Variants in ADAMTS5 observed in about 807,000 individuals in gnomAD.
The protein encoded by ADAMTS5 is ADAM metallopeptidase with thrombospondin type 1 motif 5.
In ADAMTS5, 54 loss-of-function variants were observed where a neutral mutation model predicts 81.4. The observed-to-expected ratio is 0.66, with a 90% CI of 0.53 to 0.83. ADAMTS5 has a LOEUF of 0.83. Among genes scored for constraint, ADAMTS5 ranks in the 40% least tolerant of loss-of-function variants. The pLI, the probability that ADAMTS5 is intolerant of heterozygous loss-of-function variation, is 0.00. For synonymous variants in ADAMTS5, 532 were observed against 508.8 expected (o/e 1.05, Z -0.61); for missense variants, 1,194 against 1,229.9 (o/e 0.97, Z 0.44).
intron 7 of ADAMTS5, 122 bp downstream of exon 7, chr21:26,929,764 G>C: frequency 3.5e-6 from 3 of 863,438 alleles, no homozygotes; most frequent in Non-Finnish European, 4.9e-6. Context: ...TGTGTTTCTA[G>C]AGCCACGTTA....
chr21:26,966,030 C>G lies in ADAMTS5; in HGVS notation c.362G>C (p.Ser121Thr). 6.2e-7 allele frequency: 1 copy of G among 1,613,076 alleles called. No homozygotes were observed. Among genetic ancestry groups the G allele is most frequent in the Non-Finnish European group, 8.5e-7 (1 of 1,179,902 alleles). Residue 121 changes from serine to threonine, a missense_variant, in exon 1 of 8, where the codon AGT becomes ACT. Around this residue, in one of 2 missense-constraint regions of ADAMTS5, gnomAD observed 498 missense variants for 412.3 expected, o/e 1.21. Transcript: ENST00000284987. ...AGFVPAGGGT[S>T]APWRHRSHCF... Reference sequence around the variant, plus strand: ...GTGGCTCCGGTGGCGCCAGGGCGCACTCGTCCCGCCTCCTGCGGGCACGAA... The same window carrying G: ...GTGGCTCCGGTGGCGCCAGGGCGCAGTCGTCCCGCCTCCTGCGGGCACGAA...
At chr21:26,960,457 A>G (rs1987508105) in intron 1 of ADAMTS5, among the ~76,000 whole-genome samples, 1 of 152,244 alleles carries the variant, frequency 6.6e-6, no homozygotes, top group Non-Finnish European at 1.5e-5. Context: ...ATGAGGTTAA[A>G]TGAGGTCATG....
intron 2 of ADAMTS5, among the ~76,000 whole-genome samples, chr21:26,948,651 C>T (rs1987261509): frequency 6.6e-6 from 1 of 152,166 alleles, no homozygotes; most frequent in South Asian, 2.1e-4. Context: ...ACTCTTATAA[C>T]TCCCATTTGA....
At chr21:26,932,288 T>TA (rs754494234) in intron 5 of ADAMTS5, 109 bp from the exon 6 acceptor site, 9 of 1,164,858 alleles carry the variant, frequency 7.7e-6, no homozygotes, top group East Asian at 2.6e-5. Flanking sequence ...GTGTTTTTTT[T>TA]ATCCCACAGT....
rs553135697 is a variant in ADAMTS5, at chr21:26,960,725, G to A, written c.1104+4563C>T. Reference sequence around the variant, plus strand: ...CACCCATTGTACAATATTCTGTTACGGTGGCCTGAGCAGACTAGCAGACAT... The same window carrying A: ...CACCCATTGTACAATATTCTGTTACAGTGGCCTGAGCAGACTAGCAGACAT... On this transcript the variant is annotated intron_variant, in intron 1 of 7. Transcript: ENST00000284987. Among the ~76,000 whole-genome samples the A allele has an allele frequency of 3.0e-4, 46 of 152,276 alleles. No individual in the cohort carries two copies. The East Asian group carries it at 7.9e-3, about 26-fold the overall frequency.
At chr21:26,946,970 A>G (rs1258293481) in intron 2 of ADAMTS5, among the ~76,000 whole-genome samples, 1 of 152,198 alleles carries the variant, frequency 6.6e-6, no homozygotes. Flanking sequence ...AAGCTCCCTC[A>G]CTAAAATAGG....
intron 4 of ADAMTS5, among the ~76,000 whole-genome samples, chr21:26,934,036 A>G (rs1227549285): frequency 6.6e-6 from 1 of 152,192 alleles, no homozygotes; most frequent in African/African-American, 2.4e-5. Flanking sequence ...TGTCAAGGGG[A>G]AAAAAGTGAC....
At chr21:26,961,893 C>A (rs1397573245) in intron 1 of ADAMTS5, among the ~76,000 whole-genome samples, 1 of 152,144 alleles carries the variant, frequency 6.6e-6, no homozygotes, top group Non-Finnish European at 1.5e-5. Flanking sequence ...TCTACTGCCC[C>A]CTGTTGTCAG....
In ADAMTS5 at chr21:26,918,828, C is replaced by G. The variant is rs146296592; in HGVS notation, c.*5225G>C. 6.7e-6 allele frequency: 1 copy of G among 149,880 alleles called. No homozygotes were observed. The highest frequency in any genetic ancestry group is 2.4e-5 in the African/African-American group (1 of 41,026). The allele number at this position is 149,880 out of a possible 1,614,324, so 9.3% of individuals were successfully genotyped here. ...TTGAAAAAAAATCAGGCCAAATATA[C>G]ACGACAGTTTGAATGGAATGCTGAG... On this transcript the variant is annotated 3_prime_UTR_variant, in exon 8 of 8. Transcript: ENST00000284987.
chr21:26,946,382 C>T lies in ADAMTS5; in HGVS notation c.1238-2835G>A, dbSNP rs192975220. ...TTTAAAGGAGTGCTCACGGTAAAGACGGCACGCTATGATACCAAAAGCTAA... is the reference window on the plus strand; with the variant it reads ...TTTAAAGGAGTGCTCACGGTAAAGATGGCACGCTATGATACCAAAAGCTAA... On this transcript the variant is annotated intron_variant, in intron 2 of 7. Coordinates refer to ENST00000284987, the MANE Select transcript of ADAMTS5 (RefSeq NM_007038.5). Among the ~76,000 whole-genome samples, 110 of 152,204 alleles carry T rather than the reference C, an allele frequency of 7.2e-4. 1 individual carries two copies. The South Asian group carries it at 0.01, about 14-fold the overall frequency.
chr21:26,953,778 A>T (rs919641796), intron 2 of ADAMTS5, among the ~76,000 whole-genome samples: 4 of 152,140 alleles, frequency 2.6e-5, no homozygotes, highest in Admixed American at 6.5e-5. Context: ...AAAGCAAAAC[A>T]TAAGTACATG....
intron 1 of ADAMTS5, among the ~76,000 whole-genome samples, chr21:26,964,084 G>A (rs773719346): frequency 4.6e-5 from 7 of 152,116 alleles, no homozygotes; most frequent in Non-Finnish European, 1.0e-4. Context: ...TCCTTGTTCT[G>A]TTTGCTTCAT....
At position 26,923,478 on chromosome 21, in the gene ADAMTS5, C is replaced by G. The variant is rs1169385349; in HGVS notation, c.*575G>C. ...TTATCTCCTGTAGTCAGAAAATATA[C>G]TACATCTTATTAAAACAGCAGCAAG... On this transcript the variant is annotated 3_prime_UTR_variant, in exon 8 of 8. Coordinates refer to ENST00000284987, the MANE Select transcript of ADAMTS5 (RefSeq NM_007038.5). 1 of 152,668 alleles carries G rather than the reference C, an allele frequency of 6.6e-6. No homozygotes were observed. The highest frequency in any genetic ancestry group is 1.5e-5 in the Non-Finnish European group (1 of 68,116). The allele number at this position is 152,668 out of a possible 1,614,324, so 9.5% of individuals were successfully genotyped here.
chr21:26,946,000 G>C (rs1424637942), intron 2 of ADAMTS5, among the ~76,000 whole-genome samples: 1 of 152,190 alleles, frequency 6.6e-6, no homozygotes, highest in Non-Finnish European at 1.5e-5. Flanking sequence ...CATGAAGAAA[G>C]CCTGTCAGCT....
At chr21:26,958,551 T>C (rs1433691473) in intron 1 of ADAMTS5, among the ~76,000 whole-genome samples, 1 of 152,174 alleles carries the variant, frequency 6.6e-6, no homozygotes, top group Non-Finnish European at 1.5e-5. Context: ...TTTTATACAA[T>C]CTCTATCCTT....
chr21:26,966,325 C>T lies in ADAMTS5; in HGVS notation c.67G>A (p.Ala23Thr), dbSNP rs1987671333. 1 of 1,509,496 alleles carries T rather than the reference C, an allele frequency of 6.6e-7. No homozygotes were observed. Among genetic ancestry groups the T allele is most frequent in the Non-Finnish European group, 8.8e-7 (1 of 1,137,360 alleles). 93.5% of individuals were successfully genotyped at this position (1,509,496 alleles called of 1,614,324 possible). Reference protein sequence around the residue: ...FRLPLAAVGPAATPAQDKAGQ... With the variant: ...FRLPLAAVGPTATPAQDKAGQ... ...GCTTTATCCTGGGCAGGTGTCGCGG[C>T]GGGGCCGACCGCGGCCAGGGGCAGG... Residue 23 changes from alanine to threonine, a missense_variant, in exon 1 of 8, where the codon GCC becomes ACC. By Grantham distance (58) the Ala-to-Thr change is moderately conservative (BLOSUM62 0). Around this residue, in one of 2 missense-constraint regions of ADAMTS5, gnomAD observed 498 missense variants for 412.3 expected, o/e 1.21. Coordinates refer to ENST00000284987, the MANE Select transcript of ADAMTS5 (RefSeq NM_007038.5).
In ADAMTS5 at chr21:26,934,449, A is replaced by C; in HGVS notation, c.1689+17T>G. 1.9e-6 allele frequency: 3 copies of C among 1,613,544 alleles called. No homozygotes were observed. Among genetic ancestry groups the C allele is most frequent in the Non-Finnish European group, 2.5e-6 (3 of 1,179,590 alleles). ...TTCTTGGGCCTCCAGGCATTGACTG[A>C]TGAGAAAATCACTTACTGAATAATA... is the stretch of plus-strand genomic sequence containing the variant. On this transcript the variant is annotated intron_variant, in intron 4 of 7. Coordinates refer to ENST00000284987, the MANE Select transcript of ADAMTS5 (RefSeq NM_007038.5).
In ADAMTS5 at chr21:26,923,114, ATTGTGAGATATCAGATGAAAGC is replaced by A. The variant is rs1986731997; in HGVS notation, c.*917_*938del. 1.3e-5 allele frequency: 2 copies of A among 152,218 alleles called. No homozygotes were observed. The highest frequency in any genetic ancestry group is 4.8e-5 in the African/African-American group (2 of 41,462). The allele number at this position is 152,218 out of a possible 1,614,324, so 9.4% of individuals were successfully genotyped here. ...TGTGTGTTTTGTACGTATATCATAC[ATTGTGAGATATCAGATGAAAGC>A]TCTGGAGAGAGAAAGTAGTTGTGAA... On this transcript the variant is annotated 3_prime_UTR_variant, in exon 8 of 8. Coordinates refer to ENST00000284987, the MANE Select transcript of ADAMTS5 (RefSeq NM_007038.5).
chr21:26,942,395 T>C (rs1461663891), intron 3 of ADAMTS5, among the ~76,000 whole-genome samples: 1 of 152,202 alleles, frequency 6.6e-6, no homozygotes, highest in Non-Finnish European at 1.5e-5. Flanking sequence ...GGTAATTTTA[T>C]AGAAAATTAT....
Sources: allele counts gnomAD v4.1 joint callset (sites outside exome capture counted in the v4.1 genomes callset), GRCh38; gene constraint gnomAD v4.1.1; regional missense constraint gnomAD v4.1.1; transcripts MANE v1.5; gene names NCBI Gene and HGNC (gene_info 2026-07-23, HGNC 2026-07-21).